The following KLF16 variants were observed in gnomAD, a reference collection of about 807,000 sequenced individuals.
KLF16 encodes Krueppel-like factor 16.
KLF16 carries 6 observed loss-of-function variants against 6.1 expected under a neutral mutation model. The ratio of observed to expected loss-of-function variants is 0.98; its 90% CI spans 0.54 to 1.93. KLF16 has a LOEUF of 1.93. Among genes scored for constraint, KLF16 ranks in the 30% most tolerant of loss-of-function variants. The probability of loss-of-function intolerance (pLI) is 0.01; values close to 1 mark genes in which losing one functional copy is unlikely to be tolerated. For synonymous variants in KLF16, 211 were observed against 176.5 expected (o/e 1.20, Z -1.55); for missense variants, 355 against 363.8 (o/e 0.98, Z 0.20).
chr19:1,876,532 G>C, the KLF16 span, among the ~76,000 whole-genome samples: 3 of 152,192 alleles, frequency 2.0e-5, no homozygotes, highest in Admixed American at 6.5e-5. Flanking sequence ...CCCCAGCTTC[G>C]CCATCTACGA....
At position 1,854,327 on chromosome 19, in the gene KLF16, C is replaced by G; in HGVS notation, c.*132G>C. On this transcript the variant is annotated 3_prime_UTR_variant, in exon 2 of 2. Transcript: ENST00000250916. ...GGTCCAGTCTCAGGCCCCCTCCTCA[C>G]TCTCTGGAGGGGGGCAGGGGTGTCT... is the stretch of plus-strand genomic sequence containing the variant. The G allele has an allele frequency of 2.6e-6, 3 of 1,156,658 alleles. No individual in the cohort carries two copies. The highest frequency in any genetic ancestry group is 3.4e-6 in the Non-Finnish European group (3 of 889,208). The allele number at this position is 1,156,658 out of a possible 1,614,324, so 71.6% of individuals were successfully genotyped here. A position where few individuals can be genotyped will look rare whatever the true frequency, so the allele number is the denominator to read the frequency against.
upstream of KLF16, among the ~76,000 whole-genome samples, chr19:1,864,025 A>C (rs1599197298): frequency 8.3e-6 from 1 of 119,938 alleles, no homozygotes. Context: ...CCTCTCCGGC[A>C]CGCCCCTCCT....
At chr19:1,867,902 C>G (rs551613811), upstream of KLF16, among the ~76,000 whole-genome samples, 439 of 148,726 alleles carry the variant, frequency 3.0e-3, 2 homozygotes, top group Non-Finnish European at 4.8e-3. Flanking sequence ...AAAGATGCAG[C>G]AGAAGAGGGG....
chr19:1,870,702 T>C, the KLF16 span, among the ~76,000 whole-genome samples: 2 of 151,754 alleles, frequency 1.3e-5, no homozygotes, highest in Non-Finnish European at 2.9e-5. Flanking sequence ...AAAAGAAAGA[T>C]TCCTGATTCC....
the KLF16 span, among the ~76,000 whole-genome samples, chr19:1,873,431 C>G: frequency 6.6e-6 from 1 of 152,184 alleles, no homozygotes; most frequent in African/African-American, 2.4e-5. Flanking sequence ...TGGGGAGGGT[C>G]TGCCCTCCCC....
chr19:1,859,099 G>A (rs1174777294), intron 1 of KLF16, among the ~76,000 whole-genome samples: 1 of 144,902 alleles, frequency 6.9e-6, no homozygotes, highest in Non-Finnish European at 1.5e-5. Flanking sequence ...CCTATGGCCT[G>A]GCACTGCCCC....
chr19:1,872,137 C>T, the KLF16 span, among the ~76,000 whole-genome samples: 403 of 152,086 alleles, frequency 2.6e-3, 2 homozygotes, highest in African/African-American at 9.3e-3. Flanking sequence ...GGTGGTTTTT[C>T]GTTGTTTTTT....
intron 1 of KLF16, among the ~76,000 whole-genome samples, chr19:1,855,454 GC>G (rs920104643): frequency 5.7e-4 from 86 of 152,112 alleles, no homozygotes; most frequent in South Asian, 1.0e-3. Context: ...AAGGGGCGGG[GC>G]CCGGCGGGCT....
At chr19:1,872,051 C>T in the KLF16 span, among the ~76,000 whole-genome samples, 3 of 152,178 alleles carry the variant, frequency 2.0e-5, no homozygotes, top group East Asian at 1.9e-4. Flanking sequence ...CCAGGCACCC[C>T]GCTTCCTTGG....
At position 1,857,777 on chromosome 19, in the gene KLF16, A is replaced by G. The variant is rs189355028; in HGVS notation, c.458-3017T>C. Among the ~76,000 whole-genome samples the G allele has an allele frequency of 2.3e-3, 354 of 152,150 alleles. 9 individuals are homozygous for G. The East Asian group carries it at 0.034, about 15-fold the overall frequency. Reference sequence around the variant, plus strand: ...GGTGGGGAAGACCAGCCCCAGCCGCAAAGCAAGCATCCCAGGAGAGCCAGG... The same window carrying G: ...GGTGGGGAAGACCAGCCCCAGCCGCGAAGCAAGCATCCCAGGAGAGCCAGG... On this transcript the variant is annotated intron_variant, in intron 1 of 1. Transcript: ENST00000250916. This position sits in a 1 kb window ranked among gnomAD's most constrained non-coding sequence, Gnocchi z 4.7.
intron 1 of KLF16, among the ~76,000 whole-genome samples, chr19:1,859,188 G>A (rs1272654060): frequency 6.6e-6 from 1 of 151,942 alleles, no homozygotes. Flanking sequence ...CTACAGGAGC[G>A]CATAGTTCTG....
upstream of KLF16, among the ~76,000 whole-genome samples, chr19:1,866,121 T>A (rs2012184851): frequency 6.7e-6 from 1 of 150,032 alleles, no homozygotes; most frequent in East Asian, 2.0e-4. Flanking sequence ...CTGGCCAATG[T>A]GGTGAAATCC....
intron 1 of KLF16, among the ~76,000 whole-genome samples, chr19:1,859,992 A>G (rs570284816): frequency 4.6e-5 from 7 of 152,146 alleles, no homozygotes; most frequent in African/African-American, 1.7e-4. Flanking sequence ...ATGTCTCGGT[A>G]AGTGCGGAGG....
At chr19:1,868,178 T>C (rs1196598286), upstream of KLF16, among the ~76,000 whole-genome samples, 1 of 152,122 alleles carries the variant, frequency 6.6e-6, no homozygotes, top group African/African-American at 2.4e-5. Context: ...TGAAAATTCA[T>C]CTTCTAAATA....
intron 1 of KLF16, among the ~76,000 whole-genome samples, chr19:1,862,527 C>G (rs1031281292): frequency 2.0e-5 from 3 of 152,108 alleles, no homozygotes; most frequent in Non-Finnish European, 2.9e-5. Context: ...GGGCTCCCCC[C>G]ATCCTGGCCC....
At chr19:1,856,865 G>T (rs2011960197) in intron 1 of KLF16, among the ~76,000 whole-genome samples, 1 of 150,660 alleles carries the variant, frequency 6.6e-6, no homozygotes. Flanking sequence ...CGGACAGTCA[G>T]TTGGTTCACT....
chr19:1,854,326 A>G lies in KLF16; in HGVS notation c.*133T>C, dbSNP rs990487295. 3 of 1,138,796 alleles carry G rather than the reference A, an allele frequency of 2.6e-6. No individual in the cohort carries two copies. In the East Asian group the frequency reaches 9.6e-5, roughly 37 times the overall value. 70.5% of individuals were successfully genotyped at this position (1,138,796 alleles called of 1,614,324 possible). On this transcript the variant is annotated 3_prime_UTR_variant, in exon 2 of 2. Coordinates refer to ENST00000250916, the MANE Select transcript of KLF16 (RefSeq NM_031918.4). ...AGGTCCAGTCTCAGGCCCCCTCCTC[A>G]CTCTCTGGAGGGGGGCAGGGGTGTC...
At chr19:1,865,931 G>A (rs995520589), upstream of KLF16, among the ~76,000 whole-genome samples, 2 of 151,976 alleles carry the variant, frequency 1.3e-5, no homozygotes, top group Admixed American at 1.3e-4. Context: ...TGAGAGACCA[G>A]GGTAGGAGGA....
chr19:1,876,401 G>C, the KLF16 span, among the ~76,000 whole-genome samples: 1 of 152,228 alleles, frequency 6.6e-6, no homozygotes, highest in East Asian at 1.9e-4. Context: ...AGTCCTCCCG[G>C]TCCTAAGCCT....
Sources: allele counts gnomAD v4.1 joint callset (sites outside exome capture counted in the v4.1 genomes callset), GRCh38; gene constraint gnomAD v4.1.1; non-coding constraint Gnocchi (gnomAD v3.1); transcripts MANE v1.5; gene names NCBI Gene and HGNC (gene_info 2026-07-23, HGNC 2026-07-21).